The following ARG1 variants were observed in gnomAD, a reference collection of about 807,000 sequenced individuals.
The protein encoded by ARG1 is arginase 1, also known as arginase-1.
A neutral mutation model predicts 33.0 loss-of-function variants in ARG1; 20 were observed. The observed-to-expected ratio is 0.61, with a 90% CI of 0.43 to 0.88. ARG1 has a LOEUF of 0.88. Among genes scored for constraint, ARG1 ranks in the 40% least tolerant of loss-of-function variants. ARG1 has a pLI of 0.00. For synonymous variants in ARG1, 146 were observed against 140.6 expected, an observed-to-expected ratio of 1.04 and a Z score of -0.27; for missense variants, 374 against 384.7, an observed-to-expected ratio of 0.97 and a Z score of 0.23.
intron 1 of ARG1, 153 bp from the exon 2 acceptor site, chr6:131,576,510 G>T: frequency 1.4e-6 from 1 of 717,026 alleles, no homozygotes; most frequent in Non-Finnish European, 2.5e-6. Flanking sequence ...ACCTTGCTGT[G>T]AAGATTAAAA....
Position 131,584,026 on chromosome 6 carries a change from A to ATT in ARG1, c.*119_*120dup. ...GTTCTTTCAGAAAAATGTTTTTCCAATTAGTATAAACTCTACAAATTCCCT... is the reference window on the plus strand; with the variant it reads ...GTTCTTTCAGAAAAATGTTTTTCCAATTTTAGTATAAACTCTACAAATTCCCT... On this transcript the variant is annotated 3_prime_UTR_variant, in exon 8 of 8. Coordinates refer to ENST00000368087, the MANE Select transcript of ARG1 (RefSeq NM_000045.4). The ATT allele has an allele frequency of 1.7e-6, 2 of 1,204,668 alleles. No homozygotes were observed. Among genetic ancestry groups the ATT allele is most frequent in the Non-Finnish European group, 2.3e-6 (2 of 856,242 alleles). The allele number at this position is 1,204,668 out of a possible 1,614,324, so 74.6% of individuals were successfully genotyped here. A position where few individuals can be genotyped will look rare whatever the true frequency, so the allele number is the denominator to read the frequency against.
intron 3 of ARG1, 58 bp downstream of exon 3, chr6:131,579,343 TAAG>T (rs1773797181): frequency 6.3e-7 from 1 of 1,582,268 alleles, no homozygotes; most frequent in Non-Finnish European, 8.6e-7. Context: ...ACCAAGGCCA[TAAG>T]AAGAGAGAAA....
At chr6:131,574,757 G>T (rs1396367846) in intron 1 of ARG1, among the ~76,000 whole-genome samples, 1 of 152,120 alleles carries the variant, frequency 6.6e-6, no homozygotes, top group Non-Finnish European at 1.5e-5. Flanking sequence ...CTGAGAAAGG[G>T]CTTCATCCCT....
intron 5 of ARG1, among the ~76,000 whole-genome samples, 165 bp downstream of exon 5, chr6:131,582,880 C>T (rs930454873): frequency 3.3e-5 from 5 of 151,978 alleles, no homozygotes; most frequent in Non-Finnish European, 7.4e-5. Context: ...TGTATGTATC[C>T]AGGCAATTAA....
chr6:131,583,063 C>T lies in ARG1; in HGVS notation c.564C>T (p.Tyr188=), dbSNP rs376378819. ...GLRDVDPGEH[Y]ILKTLGIKYF... is the part of the protein sequence containing the mutation. ...TATCTTAATTTCTCTTTTATAGCTA[C>T]ATTTTGAAAACTCTAGGCATTAAAT... Residue 188 remains tyrosine, a synonymous_variant, in exon 6 of 8, where the codon TAC becomes TAT. Transcript: ENST00000368087. 17 of 1,609,926 alleles carry T rather than the reference C, an allele frequency of 1.1e-5. No individual in the cohort carries two copies. Among genetic ancestry groups the T allele is most frequent in the Middle Eastern group, 1.6e-4 (1 of 6,072 alleles).
At chr6:131,580,376 C>T (rs752749136) in intron 3 of ARG1, among the ~76,000 whole-genome samples, 96 of 152,158 alleles carry the variant, frequency 6.3e-4, no homozygotes, top group Admixed American at 9.8e-4. Context: ...CATACCTGAA[C>T]GTTAAGGCAT....
rs41285336 is a variant in ARG1 at position 131,581,189 on chromosome 6, G to A, written c.306-30G>A. The stretch of plus-strand genomic sequence containing the variant: ...ATGTATGTAGTGACACTGCAAACCT[G>A]ATGTTCACACAAAATTTTTTCCCCA... On this transcript the variant is annotated intron_variant, in intron 3 of 7. Coordinates refer to ENST00000368087, the MANE Select transcript of ARG1 (RefSeq NM_000045.4). 111,898 of 1,611,812 alleles carry A rather than the reference G, an allele frequency of 0.069. 4,524 individuals carry two copies. The highest frequency in any genetic ancestry group is 0.082 in the Non-Finnish European group (96,482 of 1,178,190).
chr6:131,583,753 G>C lies in ARG1; in HGVS notation c.814G>C (p.Gly272Arg). ...ATTTGTTGTTGTAGGGCTACTCTCAGGATTAGATATAATGGAAGTGAACCC... is the reference window on the plus strand; with the variant it reads ...ATTTGTTGTTGTAGGGCTACTCTCACGATTAGATATAATGGAAGTGAACCC... Reference protein sequence around the residue: ...EEIYKTGLLSGLDIMEVNPSL... With the variant: ...EEIYKTGLLSRLDIMEVNPSL... The change falls in exon 8 of 8, where the codon GGA becomes CGA. Residue 272 changes from glycine to arginine, a missense_variant. Gly to Arg is a moderately radical substitution (Grantham distance 125). Transcript: ENST00000368087. 2 of 1,613,920 alleles carry C rather than the reference G, an allele frequency of 1.2e-6. No homozygotes were observed. The highest frequency in any genetic ancestry group is 1.7e-6 in the Non-Finnish European group (2 of 1,179,856).
intron 2 of ARG1, among the ~76,000 whole-genome samples, chr6:131,578,782 G>GAGAGAC (rs201484191): frequency 0.011 from 1,721 of 152,256 alleles, 42 homozygotes; most frequent in African/African-American, 0.039. Context: ...GAGAGAGACA[G>GAGAGAC]AGAGACAGAG....
chr6:131,583,829 T>C lies in ARG1; in HGVS notation c.890T>C (p.Val297Ala). The C allele has an allele frequency of 6.2e-7, 1 of 1,614,138 alleles. No individual in the cohort carries two copies. The highest frequency in any genetic ancestry group is 8.5e-7 in the Non-Finnish European group (1 of 1,179,996). The change falls in exon 8 of 8, where the codon GTT (valine) becomes GCT (alanine). Residue 297 changes from valine to alanine, a missense_variant. Coordinates refer to ENST00000368087, the MANE Select transcript of ARG1 (RefSeq NM_000045.4). ...GTAACTCGAACAGTGAACACAGCAG[T>C]TGCAATAACCTTGGCTTGTTTCGGA... The part of the protein sequence containing the change: ...EEVTRTVNTA[V>A]AITLACFGLA...
intron 5 of ARG1, 99 bp downstream of exon 5, chr6:131,582,814 G>GACAC (rs75155115): frequency 7.6e-5 from 69 of 911,856 alleles, no homozygotes; most frequent in Middle Eastern, 2.2e-4. Flanking sequence ...TAAACATCAA[G>GACAC]ACACACACAC....
At position 131,583,139 on chromosome 6, in the gene ARG1, G is replaced by A. The variant is rs200496725; in HGVS notation, c.640G>A (p.Glu214Lys). ...ACTAGGAATTGGCAAGGTGATGGAA[G>A]AAACACTCAGCTATCTACTAGGAAG... is the stretch of plus-strand genomic sequence containing the variant. ...DRLGIGKVME[E>K]TLSYLLGRKK... is the part of the protein sequence containing the mutation. Residue 214 changes from glutamate to lysine, a missense_variant, in exon 6 of 8, where the codon GAA becomes AAA. Glu to Lys is a moderately conservative substitution (Grantham distance 56). Coordinates refer to ENST00000368087, the MANE Select transcript of ARG1 (RefSeq NM_000045.4). The A allele has an allele frequency of 8.4e-5, 135 of 1,613,862 alleles. 1 individual carries two copies. The East Asian group carries it at 3.0e-3, about 36-fold the overall frequency.
Position 131,583,901 on chromosome 6 carries a change from C to G in ARG1, c.962C>G (p.Pro321Arg). The part of the protein sequence containing the change: ...NHKPIDYLNP[P>R]K The stretch of plus-strand genomic sequence containing the variant: ...AAGCCTATTGACTACCTTAACCCAC[C>G]TAAGTAAATGTGGAAACATCCGATA... The change falls in exon 8 of 8, where the codon CCT (proline) becomes CGT (arginine). Residue 321 changes from proline (P) to arginine (R), a missense_variant. Transcript: ENST00000368087. The G allele has an allele frequency of 6.2e-7, 1 of 1,614,034 alleles. No individual in the cohort carries two copies. The highest frequency in any genetic ancestry group is 1.1e-5 in the South Asian group (1 of 91,076).
At chr6:131,582,834 C>A in intron 5 of ARG1, 119 bp downstream of exon 5, 1 of 854,660 alleles carries the variant, frequency 1.2e-6, no homozygotes, top group Non-Finnish European at 2.0e-6. Context: ...CACACACATG[C>A]CCACACACAT....
chr6:131,579,286 G>A lies in ARG1; in HGVS notation c.305+1G>A, dbSNP rs112432420. The A allele has an allele frequency of 6.2e-7, 1 of 1,613,930 alleles. No individual in the cohort carries two copies. Among genetic ancestry groups the A allele is most frequent in the South Asian group, 1.1e-5 (1 of 91,046 alleles). On this transcript the variant is annotated splice_donor_variant, in intron 3 of 7. Coordinates refer to ENST00000368087, the MANE Select transcript of ARG1 (RefSeq NM_000045.4). LOFTEE classifies it high-confidence loss of function. ...GCCTGGTGCTGGGCGGAGACCACAG[G>A]TCTTGTTGAATAACTGTGTCTATGG...
Position 131,583,765 on chromosome 6 carries a change from A to G in ARG1, c.826A>G (p.Met276Val). The G allele has an allele frequency of 6.2e-7, 1 of 1,614,040 alleles. No homozygotes were observed. The highest frequency in any genetic ancestry group is 8.5e-7 in the Non-Finnish European group (1 of 1,179,936). ...AGGGCTACTCTCAGGATTAGATATA[A>G]TGGAAGTGAACCCATCCCTGGGGAA... is the stretch of plus-strand genomic sequence containing the variant. Reference protein sequence around the residue: ...KTGLLSGLDIMEVNPSLGKTP... With the variant: ...KTGLLSGLDIVEVNPSLGKTP... The change falls in exon 8 of 8, where the codon ATG becomes GTG. Residue 276 changes from methionine (M) to valine (V), a missense_variant. Transcript: ENST00000368087.
intron 2 of ARG1, among the ~76,000 whole-genome samples, chr6:131,578,568 A>G (rs1773745613): frequency 1.3e-5 from 2 of 152,134 alleles, no homozygotes; most frequent in Admixed American, 1.3e-4. Flanking sequence ...ACATATTCAC[A>G]TATTCTTATT....
At chr6:131,574,377 T>C (rs1773513679) in intron 1 of ARG1, 1 of 1,516,608 alleles carries the variant, frequency 6.6e-7, no homozygotes, top group Non-Finnish European at 9.2e-7. Context: ...TTGCTTCCCC[T>C]GGAAATCCTC....
In ARG1 at chr6:131,573,431, G is replaced by A. The variant is rs376196920; in HGVS notation, c.57+92G>A. 175 of 1,217,444 alleles carry A rather than the reference G, an allele frequency of 1.4e-4. No homozygotes were observed. In the African/African-American group the frequency reaches 2.3e-3, roughly 16 times the overall value. 75.4% of individuals were successfully genotyped at this position (1,217,444 alleles called of 1,614,324 possible). A position where few individuals can be genotyped will look rare whatever the true frequency, so the allele number is the denominator to read the frequency against. On this transcript the variant is annotated intron_variant, in intron 1 of 7. Coordinates refer to ENST00000368087, the MANE Select transcript of ARG1 (RefSeq NM_000045.4). ...AAGGTGTTATTGTCTAGTTAGTTCAGTTTTCTGATACAATCTGGCCAGGAA... is the reference window on the plus strand; with the variant it reads ...AAGGTGTTATTGTCTAGTTAGTTCAATTTTCTGATACAATCTGGCCAGGAA...
Sources: gnomAD v4.1 joint callset for allele counts (sites outside exome capture counted in the v4.1 genomes callset) on GRCh38, gnomAD v4.1.1 for gene constraint, MANE v1.5 for transcripts, NCBI Gene and HGNC (gene_info 2026-07-23, HGNC 2026-07-21) for gene names.